The following SDK1 variants were observed in gnomAD, a reference collection of about 807,000 sequenced individuals.
The protein encoded by SDK1 is sidekick cell adhesion molecule 1, also known as protein sidekick-1.
A neutral mutation model predicts 245.5 loss-of-function variants in SDK1; 157 were observed. That is an observed-to-expected ratio of 0.64 (90% CI 0.56 to 0.73). The LOEUF (loss-of-function observed/expected upper bound fraction) is 0.73. SDK1 is among the 30% of genes least tolerant of loss of function. SDK1 has a pLI of 0.00. For missense variants in SDK1, 3,583 were observed against 3,002.3 expected (o/e 1.19, Z -4.52); for synonymous variants, 1,647 against 1,278.5 (o/e 1.29, Z -6.15).
chr7:3,910,785 T>C (rs1779135844), intron 5 of SDK1, among the ~76,000 whole-genome samples: 1 of 152,234 alleles, frequency 6.6e-6, no homozygotes, highest in Non-Finnish European at 1.5e-5. Context: ...ATGATTCCTC[T>C]CCTTGCATCC....
In SDK1 at chr7:4,149,407, G is replaced by A. The variant is rs1314555687; in HGVS notation, c.4569G>A (p.Glu1523=). ...AGGTGCGAGAGCTGCCTCGGGGTGA[G>A]TGGCAGACCTACTCCTCGTCCATCA... is the stretch of plus-strand genomic sequence containing the variant. ...TMQVRELPRG[E]WQTYSSSISH... Residue 1523 remains glutamate, a synonymous_variant, in exon 30 of 45, where the codon GAG becomes GAA. Coordinates refer to ENST00000404826, the MANE Select transcript of SDK1 (RefSeq NM_152744.4). 1.9e-6 allele frequency: 3 copies of A among 1,578,768 alleles called. No individual in the cohort carries two copies. Among genetic ancestry groups the A allele is most frequent in the Non-Finnish European group, 2.6e-6 (3 of 1,163,662 alleles).
chr7:3,482,202 C>T (rs1476865389), intron 1 of SDK1, among the ~76,000 whole-genome samples: 3 of 152,182 alleles, frequency 2.0e-5, no homozygotes, highest in Non-Finnish European at 4.4e-5. Context: ...TACCTACCTA[C>T]TAACAACAAT....
intron 7 of SDK1, chr7:3,958,195 T>C: frequency 3.1e-6 from 1 of 322,580 alleles, no homozygotes. Context: ...CCTTTTGTTA[T>C]CATGATAATG....
At chr7:3,455,694 C>A (rs1049585871) in intron 1 of SDK1, among the ~76,000 whole-genome samples, 3 of 152,038 alleles carry the variant, frequency 2.0e-5, no homozygotes, top group Non-Finnish European at 4.4e-5. Context: ...ATATGGTAGG[C>A]CTTAGTATTG....
At chr7:3,915,110 A>C (rs144682704) in intron 5 of SDK1, among the ~76,000 whole-genome samples, 2 of 152,234 alleles carry the variant, frequency 1.3e-5, no homozygotes, top group Non-Finnish European at 2.9e-5. Flanking sequence ...CCCTAAGGGC[A>C]CGAGAAGTTG....
At position 4,267,563 on chromosome 7, in the gene SDK1, G is replaced by A. The variant is rs954703558; in HGVS notation, c.*2179G>A. ...CACTGGAATTTCTTGGAAGAGAAGC[G>A]ATAAATGGAGACCATGGCCAGCGCT... On this transcript the variant is annotated 3_prime_UTR_variant, in exon 45 of 45. Transcript: ENST00000404826. 72 of 985,492 alleles carry A rather than the reference G, an allele frequency of 7.3e-5. No homozygotes were observed. The African/African-American group carries it at 9.9e-4, about 14-fold the overall frequency. The allele number at this position is 985,492 out of a possible 1,614,324, so 61.0% of individuals were successfully genotyped here. A position where few individuals can be genotyped will look rare whatever the true frequency, so the allele number is the denominator to read the frequency against.
At position 4,220,063 on chromosome 7, in the gene SDK1, T is replaced by G. The variant is rs375747258; in HGVS notation, c.5540-46T>G. 376 of 1,594,592 alleles carry G rather than the reference T, an allele frequency of 2.4e-4. No individual in the cohort carries two copies. In the Middle Eastern group the frequency reaches 2.9e-3, roughly 12 times the overall value. On this transcript the variant is annotated intron_variant, in intron 38 of 44. Coordinates refer to ENST00000404826, the MANE Select transcript of SDK1 (RefSeq NM_152744.4). ...ACAGAACAGACAGTGGACAGTTGCT[T>G]CTCCAGGCTGAACCCCCTTGTTTCC...
At chr7:3,479,061 G>T (rs1781430705) in intron 1 of SDK1, among the ~76,000 whole-genome samples, 1 of 152,254 alleles carries the variant, frequency 6.6e-6, no homozygotes, top group South Asian at 2.1e-4. Flanking sequence ...AGAACTTGTT[G>T]AGACTGACTT....
intron 4 of SDK1, among the ~76,000 whole-genome samples, chr7:3,687,317 T>C (rs1366562291): frequency 6.6e-6 from 1 of 151,932 alleles, no homozygotes; most frequent in Admixed American, 6.6e-5. Flanking sequence ...TTAGGAGAGA[T>C]GGGGTTTCAC....
intron 4 of SDK1, among the ~76,000 whole-genome samples, chr7:3,653,257 C>T (rs969203959): frequency 6.6e-6 from 1 of 152,222 alleles, no homozygotes; most frequent in African/African-American, 2.4e-5. Context: ...GTCACCCCTC[C>T]TTCCTCTGTG....
intron 44 of SDK1, among the ~76,000 whole-genome samples, 187 bp downstream of exon 44, chr7:4,245,992 GC>G (rs527429115): frequency 6.6e-6 from 1 of 152,168 alleles, no homozygotes; most frequent in South Asian, 2.1e-4. Context: ...CCTGCTCTGG[GC>G]CCCGCAGAGC....
intron 1 of SDK1, among the ~76,000 whole-genome samples, chr7:3,343,367 G>GA (rs1333931481): frequency 1.3e-5 from 2 of 152,172 alleles, no homozygotes; most frequent in Non-Finnish European, 2.9e-5. Flanking sequence ...CACCTACTGT[G>GA]AATCTCCACA....
chr7:3,542,517 C>T (rs1226923233), intron 1 of SDK1, among the ~76,000 whole-genome samples: 4 of 152,150 alleles, frequency 2.6e-5, no homozygotes, highest in Non-Finnish European at 5.9e-5. Context: ...GTGTGCCAAG[C>T]ATAGGATCAT....
At chr7:3,611,387 C>T (rs1192769112) in intron 1 of SDK1, among the ~76,000 whole-genome samples, 9 of 152,130 alleles carry the variant, frequency 5.9e-5, no homozygotes, top group African/African-American at 1.7e-4. Context: ...CTTGCACCGC[C>T]GCCTCTAGTT....
intron 40 of SDK1, among the ~76,000 whole-genome samples, chr7:4,229,797 T>C (rs1785638016): frequency 1.3e-5 from 2 of 152,130 alleles, no homozygotes; most frequent in African/African-American, 2.4e-5. Flanking sequence ...TGTCTATCTT[T>C]TTAGAGGAAA....
intron 1 of SDK1, among the ~76,000 whole-genome samples, chr7:3,425,632 A>C (rs751039116): frequency 6.6e-5 from 10 of 152,214 alleles, no homozygotes; most frequent in Non-Finnish European, 8.8e-5. Flanking sequence ...ACTGTATTCA[A>C]GGTTTAGGCA....
At chr7:3,916,328 C>T (rs1189118866) in intron 5 of SDK1, among the ~76,000 whole-genome samples, 3 of 152,206 alleles carry the variant, frequency 2.0e-5, no homozygotes, top group African/African-American at 7.2e-5. Context: ...AAACATGTGA[C>T]ATCATAGCTG....
At chr7:3,604,188 T>A (rs1055098888) in intron 1 of SDK1, among the ~76,000 whole-genome samples, 2 of 152,190 alleles carry the variant, frequency 1.3e-5, no homozygotes, top group African/African-American at 2.4e-5. Context: ...CAGGATGATG[T>A]TGGCCTCATA....
intron 21 of SDK1, 99 bp from the exon 22 acceptor site, chr7:4,079,352 TGGTATAGAATCG>T: frequency 7.7e-7 from 1 of 1,297,784 alleles, no homozygotes; most frequent in African/African-American, 1.5e-5. Flanking sequence ...AATCCTTTTT[TGGTATAGAATCG>T]TTTTGAAACT....
Sources: gnomAD v4.1 joint callset for allele counts (sites outside exome capture counted in the v4.1 genomes callset) on GRCh38, gnomAD v4.1.1 for gene constraint, MANE v1.5 for transcripts, NCBI Gene and HGNC (gene_info 2026-07-23, HGNC 2026-07-21) for gene names.